RBM17: variants seen among roughly 807,000 people sequenced by gnomAD.
RBM17 encodes the protein splicing factor 45.
Under a neutral mutation model 53.2 loss-of-function variants are expected in RBM17, and 7 were observed. The ratio of observed to expected loss-of-function variants is 0.13; its 90% confidence interval spans 0.07 to 0.25. The LOEUF (loss-of-function observed/expected upper bound fraction) is 0.25. RBM17 is among the 10% of genes least tolerant of loss of function. The probability of loss-of-function intolerance (pLI) is 1.00; values close to 1 mark genes in which losing one functional copy is unlikely to be tolerated. For synonymous variants in RBM17, 167 were observed against 178.1 expected, an observed-to-expected ratio of 0.94 and a Z score of 0.50; for missense variants, 257 against 496.7, an observed-to-expected ratio of 0.52 and a Z score of 4.59.
At chr10:6,091,203 C>A (rs572898225) in intron 1 of RBM17, among the ~76,000 whole-genome samples, 2 of 151,312 alleles carry the variant, frequency 1.3e-5, no homozygotes, top group African/African-American at 4.9e-5. Context: ...GAATTACAGG[C>A]GCTCGCAACC....
Position 6,112,373 on chromosome 10 carries a change from G to A in RBM17, c.856+12G>A, listed in dbSNP as rs774740311. The A allele has an allele frequency of 1.2e-6, 2 of 1,613,704 alleles. No homozygotes were observed. Among genetic ancestry groups the A allele is most frequent in the Non-Finnish European group, 1.7e-6 (2 of 1,179,920 alleles). ...CGCCACAGAGAAAGGTGTGTCCCCA[G>A]GGAAGCGTGTGACTAGAGGGAAAGG... On this transcript the variant is annotated intron_variant, in intron 8 of 11. Transcript: ENST00000379888. The surrounding 1 kb of genome is among the most constrained non-coding windows in gnomAD (Gnocchi z 4.4).
chr10:6,104,090 G>A (rs1192856402), intron 3 of RBM17, among the ~76,000 whole-genome samples: 1 of 152,226 alleles, frequency 6.6e-6, no homozygotes, highest in Non-Finnish European at 1.5e-5. Context: ...ACAGGAGAAA[G>A]TGTGGGAAGG....
chr10:6,092,860 G>T (rs572782833), intron 1 of RBM17, among the ~76,000 whole-genome samples: 1 of 152,322 alleles, frequency 6.6e-6, no homozygotes, highest in East Asian at 1.9e-4. Context: ...GAAGAGAAAT[G>T]AGGACCTTTA....
intron 6 of RBM17, 105 bp downstream of exon 6, chr10:6,108,847 G>C: frequency 2.5e-6 from 2 of 802,124 alleles, no homozygotes; most frequent in Non-Finnish European, 4.1e-6. Context: ...AGAGGGAAAC[G>C]GCCTGCAAGC....
intron 1 of RBM17, among the ~76,000 whole-genome samples, chr10:6,093,246 C>A (rs887130406): frequency 1.3e-5 from 2 of 152,108 alleles, no homozygotes; most frequent in Non-Finnish European, 2.9e-5. Flanking sequence ...GACAGTCTCG[C>A]TCTATCATCC....
intron 5 of RBM17, among the ~76,000 whole-genome samples, chr10:6,107,479 CTTTTTT>C (rs71390124): frequency 1.6e-4 from 9 of 56,596 alleles, no homozygotes; most frequent in Non-Finnish European, 2.9e-4. Flanking sequence ...CACCCGGCCT[CTTTTTT>C]TTTTTTTTTT....
chr10:6,105,229 A>G, intron 4 of RBM17, 132 bp downstream of exon 4: 2 of 780,340 alleles, frequency 2.6e-6, no homozygotes, highest in East Asian at 2.7e-5. Context: ...ACTACAAGGA[A>G]TCAAACTGTT....
intron 5 of RBM17, among the ~76,000 whole-genome samples, chr10:6,107,962 G>A (rs767623212): frequency 3.0e-4 from 45 of 152,128 alleles, no homozygotes; most frequent in Non-Finnish European, 5.9e-5. Flanking sequence ...AAAATTCCTT[G>A]TGGTCTCCAC....
At chr10:6,099,410 G>A (rs1403304797) in intron 2 of RBM17, among the ~76,000 whole-genome samples, 1 of 151,906 alleles carries the variant, frequency 6.6e-6, no homozygotes, top group African/African-American at 2.4e-5. Flanking sequence ...GGTTTCATTT[G>A]TATCTCCATT....
At chr10:6,098,207 C>T (rs1430614160) in intron 2 of RBM17, among the ~76,000 whole-genome samples, 7 of 151,992 alleles carry the variant, frequency 4.6e-5, no homozygotes, top group African/African-American at 1.5e-4. Flanking sequence ...CCAAACAGAG[C>T]GAATATTGGT....
At chr10:6,091,675 A>C (rs1204707537) in intron 1 of RBM17, among the ~76,000 whole-genome samples, 1 of 152,202 alleles carries the variant, frequency 6.6e-6, no homozygotes, top group Non-Finnish European at 1.5e-5. Context: ...AAAAAATATT[A>C]ATAGAGCCAC....
chr10:6,107,030 A>G (rs372408783), intron 5 of RBM17, among the ~76,000 whole-genome samples: 2 of 152,362 alleles, frequency 1.3e-5, no homozygotes, highest in East Asian at 3.9e-4. Flanking sequence ...AAGGTTAGTA[A>G]AATGATCATG....
intron 2 of RBM17, among the ~76,000 whole-genome samples, chr10:6,099,751 A>G (rs1227906009): frequency 6.6e-6 from 1 of 152,196 alleles, no homozygotes; most frequent in Non-Finnish European, 1.5e-5. Context: ...ATAGAAAATA[A>G]TAATAATAGA....
At chr10:6,099,424 A>G (rs1840636719) in intron 2 of RBM17, among the ~76,000 whole-genome samples, 1 of 152,130 alleles carries the variant, frequency 6.6e-6, no homozygotes, top group South Asian at 2.1e-4. Context: ...CTCCATTTGA[A>G]AAAATACAGT....
rs1221504658 is a variant in RBM17 at position 6,098,556 on chromosome 10, G to GTTTTTTTTTTTTTTTTT, written c.123+1374_123+1375insTTTTTTTTTTTTTTTTT. Reference sequence around the variant, plus strand: ...GTTTGAAAATTTCCGTAATACACAGGTTTTTTGTTTTTTTTTTTTTTTTTT... The same window carrying GTTTTTTTTTTTTTTTTT: ...GTTTGAAAATTTCCGTAATACACAGGTTTTTTTTTTTTTTTTTTTTTTTGTTTTTTTTTTTTTTTTTT... On this transcript the variant is annotated intron_variant, in intron 2 of 11. Coordinates refer to ENST00000379888, the MANE Select transcript of RBM17 (RefSeq NM_032905.5). 1.6e-4 allele frequency among the ~76,000 whole-genome samples: 14 copies of GTTTTTTTTTTTTTTTTT among 87,974 alleles called. 3 individuals are homozygous for GTTTTTTTTTTTTTTTTT. The highest frequency in any genetic ancestry group is 1.8e-4 in the Non-Finnish European group (8 of 44,334). The allele number at this position is 87,974 out of a possible 152,430, so 57.7% of individuals were successfully genotyped here.
At chr10:6,101,434 T>G (rs1840668449) in intron 3 of RBM17, 47 bp downstream of exon 3, 1 of 1,295,366 alleles carries the variant, frequency 7.7e-7, no homozygotes, top group Non-Finnish European at 1.1e-6. Context: ...TCTGTTCCCA[T>G]GTGGCTTATT....
chr10:6,090,653 C>T (rs1331281660), intron 1 of RBM17, among the ~76,000 whole-genome samples: 1 of 152,156 alleles, frequency 6.6e-6, no homozygotes, highest in African/African-American at 2.4e-5. Context: ...CTCCTCCCAG[C>T]AGGGAACAGA....
chr10:6,115,407 T>TAAAGG (rs1268193059), intron 11 of RBM17, 46 bp from the exon 12 acceptor site: 2 of 1,533,302 alleles, frequency 1.3e-6, no homozygotes, highest in African/African-American at 2.7e-5. Context: ...GTTAAACCTT[T>TAAAGG]ATCTTATAGG....
chr10:6,107,585 G>T (rs1840773544), intron 5 of RBM17, among the ~76,000 whole-genome samples: 2 of 133,992 alleles, frequency 1.5e-5, no homozygotes, highest in South Asian at 2.5e-4. Context: ...AGTTTCAAAT[G>T]ATTCTTCTGC....
Sources: gnomAD v4.1 joint callset for allele counts (sites outside exome capture counted in the v4.1 genomes callset) on GRCh38, gnomAD v4.1.1 for gene constraint, Gnocchi (gnomAD v3.1) non-coding constraint, MANE v1.5 for transcripts, NCBI Gene and HGNC (gene_info 2026-07-23, HGNC 2026-07-21) for gene names.